The following KRT7 variants were observed in gnomAD, a reference collection of about 807,000 sequenced individuals.
KRT7 encodes keratin, type II cytoskeletal 7.
Under a neutral mutation model 42.8 loss-of-function variants are expected in KRT7, and 50 were observed. The ratio of observed to expected loss-of-function variants is 1.17; its 90% CI spans 0.93 to 1.48. KRT7 has a LOEUF of 1.48. Ranked by LOEUF, KRT7 falls within the 40% of genes most tolerant of loss-of-function variation. The pLI is 0.00. For synonymous variants in KRT7, 268 were observed against 266.3 expected, an observed-to-expected ratio of 1.01 and a Z score of -0.06; for missense variants, 588 against 637.6, an observed-to-expected ratio of 0.92 and a Z score of 0.84.
intron 6 of KRT7, 195 bp from the exon 7 acceptor site, chr12:52,245,217 G>T: frequency 3.3e-6 from 2 of 606,240 alleles, no homozygotes; most frequent in Non-Finnish European, 5.8e-6. Context: ...CTAGTAAGTG[G>T]CAGAGCCAGA....
chr12:52,238,991 C>T (rs1230121589), intron 4 of KRT7, among the ~76,000 whole-genome samples: 1 of 152,262 alleles, frequency 6.6e-6, no homozygotes, highest in African/African-American at 2.4e-5. Flanking sequence ...GATGGGCAGG[C>T]ATGCCCAGCA....
Position 52,248,902 on chromosome 12 carries a change from T to A in KRT7, c.*142T>A. The A allele has an allele frequency of 2.6e-6, 2 of 781,734 alleles. No homozygotes were observed. Among genetic ancestry groups the A allele is most frequent in the Non-Finnish European group, 3.7e-6 (2 of 544,564 alleles). The allele number at this position is 781,734 out of a possible 1,614,324, so 48.4% of individuals were successfully genotyped here. A position where few individuals can be genotyped will look rare whatever the true frequency, so the allele number is the denominator to read the frequency against. ...ATAGCTTCCAATAAAGCAGCCTCAT[T>A]CTGAGGCCTGAGTGATCCACGTGCC... is the stretch of plus-strand genomic sequence containing the variant. On this transcript the variant is annotated 3_prime_UTR_variant, in exon 9 of 9. Coordinates refer to ENST00000331817, the MANE Select transcript of KRT7 (RefSeq NM_005556.4).
At chr12:52,251,667 A>T (rs1942268328), downstream of KRT7, 1 of 275,330 alleles carries the variant, frequency 3.6e-6, no homozygotes, top group Admixed American at 5.0e-5. Context: ...TAATGGGACT[A>T]CTGTCCTATA....
chr12:52,240,358 G>A (rs1396970513), intron 4 of KRT7, among the ~76,000 whole-genome samples: 1 of 152,194 alleles, frequency 6.6e-6, no homozygotes, highest in South Asian at 2.1e-4. Context: ...GGCCAGGCGT[G>A]GTGGCTCATG....
intron 3 of KRT7, among the ~76,000 whole-genome samples, chr12:52,238,195 C>T (rs1265810503): frequency 6.6e-6 from 1 of 152,132 alleles, no homozygotes; most frequent in African/African-American, 2.4e-5. Context: ...GCTCAGACAC[C>T]ATCTTCACCT....
rs748629339 is a variant in KRT7, at chr12:52,233,447, G to C, written c.151G>C (p.Val51Leu). 2 of 1,584,104 alleles carry C rather than the reference G, an allele frequency of 1.3e-6. No individual in the cohort carries two copies. The highest frequency in any genetic ancestry group is 1.7e-6 in the Non-Finnish European group (2 of 1,170,202). Residue 51 changes from valine to leucine, a missense_variant, in exon 1 of 9, where the codon GTG becomes CTG. Transcript: ENST00000331817. ...CGGCGCCTCACGGCCGCGCGTGGCCGTGCGCTCTGCCTATGGGGGCCCGGT... is the reference window on the plus strand; with the variant it reads ...CGGCGCCTCACGGCCGCGCGTGGCCCTGCGCTCTGCCTATGGGGGCCCGGT... Reference protein sequence around the residue: ...GLGASRPRVAVRSAYGGPVGA... With the variant: ...GLGASRPRVALRSAYGGPVGA...
chr12:52,250,269 A>G (rs1942243320), downstream of KRT7, among the ~76,000 whole-genome samples: 1 of 152,218 alleles, frequency 6.6e-6, no homozygotes, highest in Non-Finnish European at 1.5e-5. Context: ...GCTGCGGGCT[A>G]GGAGCCCTGT....
intron 7 of KRT7, chr12:52,246,455 T>C (rs1276399497): frequency 6.6e-6 from 1 of 152,214 alleles, no homozygotes; most frequent in African/African-American, 2.4e-5. Flanking sequence ...CTTATTCTTT[T>C]CTGAGTATTA....
downstream of KRT7, among the ~76,000 whole-genome samples, chr12:52,255,168 G>A (rs1942320521): frequency 1.3e-5 from 2 of 152,230 alleles, no homozygotes; most frequent in African/African-American, 4.8e-5. Context: ...GAGCACTGGA[G>A]CACTGGGGAA....
At position 52,237,590 on chromosome 12, in the gene KRT7, C is replaced by T. The variant is rs200996817; in HGVS notation, c.597+21C>T. On this transcript the variant is annotated intron_variant, in intron 3 of 8. Coordinates refer to ENST00000331817, the MANE Select transcript of KRT7 (RefSeq NM_005556.4). Reference sequence around the variant, plus strand: ...AGAAGGTGAGTGGGAAAGACAGGCTCGAGGAGGGTTGTCTGAAAACATGGG... The same window carrying T: ...AGAAGGTGAGTGGGAAAGACAGGCTTGAGGAGGGTTGTCTGAAAACATGGG... 2.5e-5 allele frequency: 38 copies of T among 1,544,816 alleles called. No individual in the cohort carries two copies. The African/African-American group carries it at 4.2e-4, about 17-fold the overall frequency.
downstream of KRT7, chr12:52,253,188 T>C (rs1942292848): frequency 6.3e-7 from 1 of 1,584,862 alleles, no homozygotes; most frequent in African/African-American, 1.3e-5. Flanking sequence ...CTTCCTACAC[T>C]GAGGGGTGGG....
Position 52,233,330 on chromosome 12 carries a change from T to C in KRT7, c.34T>C (p.Ser12Pro), listed in dbSNP as rs753744088. The change falls in exon 1 of 9, where the codon TCG (serine) becomes CCG (proline). Residue 12 changes from serine to proline, a missense_variant. Ser to Pro is a moderately conservative substitution (Grantham distance 74). Transcript: ENST00000331817. ...SIHFSSPVFT[S>P]RSAAFSGRGA... ...CCACTTCAGCTCCCCGGTATTCACC[T>C]CGCGCTCAGCCGCCTTCTCGGGCCG... 2 of 1,570,406 alleles carry C rather than the reference T, an allele frequency of 1.3e-6. No homozygotes were observed. Among genetic ancestry groups the C allele is most frequent in the Admixed American group, 3.8e-5 (2 of 52,642 alleles).
At chr12:52,234,573 C>G (rs553626363) in intron 1 of KRT7, among the ~76,000 whole-genome samples, 1 of 152,096 alleles carries the variant, frequency 6.6e-6, no homozygotes, top group Non-Finnish European at 1.5e-5. Context: ...TGAGCTGCAC[C>G]GTCTTACTCT....
chr12:52,246,878 A>C lies in KRT7; in HGVS notation c.1205+1246A>C, dbSNP rs1942180743. Among the ~76,000 whole-genome samples, 4 of 152,220 alleles carry C rather than the reference A, an allele frequency of 2.6e-5. No homozygotes were observed. In the South Asian group the frequency reaches 8.3e-4, roughly 32 times the overall value. ...TGGGGGACTCTTAGAGTGGTACCTG[A>C]TCTGGCTTCCTCCCATGGGAAGAAA... On this transcript the variant is annotated intron_variant, in intron 7 of 8. Transcript: ENST00000331817.
chr12:52,237,029 A>G (rs1942020530), intron 2 of KRT7, among the ~76,000 whole-genome samples: 1 of 152,156 alleles, frequency 6.6e-6, no homozygotes, highest in Non-Finnish European at 1.5e-5. Context: ...GTCAGCTGCC[A>G]AGGTTCAAGT....
rs767763119 is a variant in KRT7 at position 52,235,311 on chromosome 12, C to T, written c.481C>T (p.Arg161Cys). ...TGAGGCACTGCAGGTGGATGGGGGCCGCCTGGAGGCGGAGCTGCGGAGCAT... is the reference window on the plus strand; with the variant it reads ...TGAGGCACTGCAGGTGGATGGGGGCTGCCTGGAGGCGGAGCTGCGGAGCAT... ...QLEALQVDGG[R>C]LEAELRSMQD... The change falls in exon 2 of 9, where the codon CGC becomes TGC. Residue 161 changes from arginine (R) to cysteine (C), a missense_variant. Coordinates refer to ENST00000331817, the MANE Select transcript of KRT7 (RefSeq NM_005556.4). 2.5e-5 allele frequency: 41 copies of T among 1,613,752 alleles called. No individual in the cohort carries two copies. Among genetic ancestry groups the T allele is most frequent in the Middle Eastern group, 1.7e-4 (1 of 5,942 alleles).
chr12:52,248,053 G>A, intron 7 of KRT7, 124 bp from the exon 8 acceptor site: 1 of 904,340 alleles, frequency 1.1e-6, no homozygotes, highest in African/African-American at 1.6e-5. Flanking sequence ...AAGGCAGGCT[G>A]GAAGTGTGGG....
chr12:52,254,041 C>T (rs1377258585), downstream of KRT7, among the ~76,000 whole-genome samples: 2 of 152,230 alleles, frequency 1.3e-5, no homozygotes, highest in South Asian at 2.1e-4. Context: ...GGGTCTAGGA[C>T]CAGAGTTTAC....
chr12:52,253,428 C>A, downstream of KRT7: 1 of 1,563,572 alleles, frequency 6.4e-7, no homozygotes, highest in South Asian at 1.1e-5. Flanking sequence ...GTGCAGTGCT[C>A]AGCCTGTGCA....
Sources: allele counts gnomAD v4.1 joint callset (sites outside exome capture counted in the v4.1 genomes callset), GRCh38; gene constraint gnomAD v4.1.1; transcripts MANE v1.5; gene names NCBI Gene and HGNC (gene_info 2026-07-23, HGNC 2026-07-21).